PRMT9: variants seen among roughly 807,000 people sequenced by gnomAD.
PRMT9 encodes the protein protein arginine methyltransferase 9, also known as protein arginine N-methyltransferase 9.
In PRMT9, 59 loss-of-function variants were observed where a neutral mutation model predicts 83.2. The ratio of observed to expected loss-of-function variants is 0.71; its 90% CI spans 0.57 to 0.88. PRMT9 has a LOEUF of 0.88. Among genes scored for constraint, PRMT9 ranks in the 40% least tolerant of loss-of-function variants. PRMT9 has a pLI of 0.00. For missense variants in PRMT9, 947 were observed against 1,021.9 expected (o/e 0.93, Z 1.00); for synonymous variants, 333 against 353.2 (o/e 0.94, Z 0.64).
intron 1 of PRMT9, among the ~76,000 whole-genome samples, chr4:147,680,840 A>G (rs1253825201): frequency 2.0e-5 from 3 of 152,126 alleles, no homozygotes; most frequent in Non-Finnish European, 4.4e-5. Context: ...ATTATCACCC[A>G]TGTGTTAATG....
At chr4:147,672,851 C>G (rs1735820930) in intron 4 of PRMT9, 108 bp downstream of exon 4, 1 of 811,340 alleles carries the variant, frequency 1.2e-6, no homozygotes, top group East Asian at 2.7e-5. Flanking sequence ...CATATCTTTA[C>G]AAAATAAGGG....
chr4:147,658,351 G>C (rs1445181353), intron 7 of PRMT9, among the ~76,000 whole-genome samples: 1 of 149,416 alleles, frequency 6.7e-6, no homozygotes, highest in East Asian at 1.9e-4. Flanking sequence ...GTGTTTAAGA[G>C]AGAGAGTGAG....
chr4:147,680,653 C>T (rs1033011158), intron 1 of PRMT9, among the ~76,000 whole-genome samples, 182 bp from the exon 2 acceptor site: 1 of 152,232 alleles, frequency 6.6e-6, no homozygotes, highest in Non-Finnish European at 1.5e-5. Context: ...AATTTTACCA[C>T]CTACATGGCA....
chr4:147,662,613 C>A (rs1023608678), intron 6 of PRMT9, among the ~76,000 whole-genome samples: 7 of 152,044 alleles, frequency 4.6e-5, no homozygotes, highest in Non-Finnish European at 8.8e-5. Flanking sequence ...CCAGCATGGA[C>A]AACATAGCAA....
Position 147,658,009 on chromosome 4 carries a change from A to G in PRMT9, c.1147-34T>C, listed in dbSNP as rs544511450. 5.7e-5 allele frequency: 76 copies of G among 1,327,140 alleles called. 1 individual carries two copies. In the South Asian group the frequency reaches 8.0e-4, roughly 14 times the overall value. The allele number at this position is 1,327,140 out of a possible 1,614,324, so 82.2% of individuals were successfully genotyped here. On this transcript the variant is annotated intron_variant, in intron 7 of 11. Coordinates refer to ENST00000322396, the MANE Select transcript of PRMT9 (RefSeq NM_138364.4). The stretch of plus-strand genomic sequence containing the variant: ...AATGTAGAAGGAATGAAACGGTTTT[A>G]TATATTTCATATATACTTGCCTCAG...
intron 2 of PRMT9, 53 bp downstream of exon 2, chr4:147,680,270 T>A (rs753699118): frequency 8.5e-5 from 130 of 1,535,868 alleles, no homozygotes; most frequent in Non-Finnish European, 1.1e-4. Flanking sequence ...TTTATCCCTA[T>A]CCAGACTAAT....
chr4:147,638,582 G>C lies in PRMT9; in HGVS notation c.2488C>G (p.Leu830Val). Residue 830 changes from leucine to valine, a missense_variant, in exon 12 of 12, where the codon CTC (leucine) becomes GTC (valine). By Grantham distance (32) the Leu-to-Val change is conservative (BLOSUM62 1). Transcript: ENST00000322396. The part of the protein sequence containing the change: ...IQVEMGEELV[L>V]SIQHHKSNVS... ...TTGCTTTTGTGATGCTGAATGCTGAGTACAAGTTCCTCTCCCATTTCAACC... is the reference window on the plus strand; with the variant it reads ...TTGCTTTTGTGATGCTGAATGCTGACTACAAGTTCCTCTCCCATTTCAACC... 1 of 1,613,834 alleles carries C rather than the reference G, an allele frequency of 6.2e-7. No homozygotes were observed. The highest frequency in any genetic ancestry group is 8.5e-7 in the Non-Finnish European group (1 of 1,179,854).
chr4:147,643,692 A>G (rs976610680), intron 9 of PRMT9, among the ~76,000 whole-genome samples: 4 of 152,218 alleles, frequency 2.6e-5, no homozygotes, highest in Non-Finnish European at 4.4e-5. Context: ...TGATTGTATT[A>G]ACATCAAAAA....
At chr4:147,659,579 CT>C (rs33942571) in intron 7 of PRMT9, among the ~76,000 whole-genome samples, 3 of 121,644 alleles carry the variant, frequency 2.5e-5, no homozygotes, top group African/African-American at 9.2e-5. Context: ...ACTTTCTTTT[CT>C]TTTTTTTTTT....
At chr4:147,683,737 T>C in intron 1 of PRMT9, 62 bp downstream of exon 1, 37 of 873,298 alleles carry the variant, frequency 4.2e-5, no homozygotes, top group Non-Finnish European at 5.2e-5. Context: ...TTTTTTCTGT[T>C]TTTTTTTTTT....
intron 10 of PRMT9, among the ~76,000 whole-genome samples, chr4:147,641,643 A>G (rs951818838): frequency 2.0e-5 from 3 of 152,070 alleles, no homozygotes; most frequent in Non-Finnish European, 4.4e-5. Flanking sequence ...TCATAGCCCT[A>G]TTCCCCAAAT....
chr4:147,681,514 C>A (rs1260969675), intron 1 of PRMT9, among the ~76,000 whole-genome samples: 1 of 152,196 alleles, frequency 6.6e-6, no homozygotes. Context: ...TGGCCGGGCA[C>A]GGTGGCTCAT....
rs1293501023 is a variant in PRMT9 at position 147,638,994 on chromosome 4, G to A, written c.2288C>T (p.Thr763Ile). Residue 763 changes from threonine to isoleucine, a missense_variant, in exon 11 of 12, where the codon ACT becomes ATT. Coordinates refer to ENST00000322396, the MANE Select transcript of PRMT9 (RefSeq NM_138364.4). ...TCTGTTAGAGGTGTTCAAATACGGA[G>A]TCATTAAATCTAGTCTTAAGAGTTC... ...PVELLRLDLM[T>I]PYLNTSNREV... 1 of 1,612,256 alleles carries A rather than the reference G, an allele frequency of 6.2e-7. No individual in the cohort carries two copies. The highest frequency in any genetic ancestry group is 8.5e-7 in the Non-Finnish European group (1 of 1,178,422).
intron 5 of PRMT9, 36 bp from the exon 6 acceptor site, chr4:147,668,681 T>C: frequency 1.6e-6 from 2 of 1,229,278 alleles, no homozygotes; most frequent in Non-Finnish European, 2.4e-6. Context: ...TGTTATCACA[T>C]GTATGTAAAA....
intron 10 of PRMT9, among the ~76,000 whole-genome samples, chr4:147,639,656 A>C (rs953156931): frequency 7.2e-5 from 11 of 152,210 alleles, no homozygotes; most frequent in African/African-American, 9.6e-5. Context: ...TCCAATGTAC[A>C]AAGTTGTGAA....
At chr4:147,653,383 A>G (rs1734247174) in intron 9 of PRMT9, among the ~76,000 whole-genome samples, 1 of 151,986 alleles carries the variant, frequency 6.6e-6, no homozygotes, top group African/African-American at 2.4e-5. Context: ...CGGAGGTTGC[A>G]GTGAGCCGAG....
At chr4:147,647,557 C>T (rs1733809896) in intron 9 of PRMT9, among the ~76,000 whole-genome samples, 1 of 150,294 alleles carries the variant, frequency 6.7e-6, no homozygotes, top group African/African-American at 2.5e-5. Context: ...GAGTCTCACT[C>T]TGTTGCCCAG....
intron 9 of PRMT9, among the ~76,000 whole-genome samples, 199 bp from the exon 10 acceptor site, chr4:147,643,139 CA>C (rs1167833208): frequency 6.6e-6 from 1 of 151,940 alleles, no homozygotes; most frequent in Non-Finnish European, 1.5e-5. Flanking sequence ...AGGTGGCATG[CA>C]CCTGTAGTTC....
At position 147,638,553 on chromosome 4, in the gene PRMT9, G is replaced by C. The variant is rs750160060; in HGVS notation, c.2517C>G (p.Val839=). 6.8e-6 allele frequency: 11 copies of C among 1,613,438 alleles called. No individual in the cohort carries two copies. Among genetic ancestry groups the C allele is most frequent in the Non-Finnish European group, 9.3e-6 (11 of 1,179,608 alleles). ...CTCTTCATTGCTTTACTGTGATGCT[G>C]ACATTGCTTTTGTGATGCTGAATGC... is the stretch of plus-strand genomic sequence containing the variant. ...VLSIQHHKSN[V]SITVKQ is the part of the protein sequence containing the mutation. The change falls in exon 12 of 12, where the codon GTC becomes GTG. Residue 839 remains valine, a synonymous_variant. Coordinates refer to ENST00000322396, the MANE Select transcript of PRMT9 (RefSeq NM_138364.4).
Sources: gnomAD v4.1 joint callset for allele counts (sites outside exome capture counted in the v4.1 genomes callset) on GRCh38, gnomAD v4.1.1 for gene constraint, MANE v1.5 for transcripts, NCBI Gene and HGNC (gene_info 2026-07-23, HGNC 2026-07-21) for gene names.